CCDC200: variants seen among roughly 807,000 people sequenced by gnomAD.
CCDC200 encodes coiled-coil domain-containing protein 200.
intron 1 of CCDC200, among the ~76,000 whole-genome samples, chr17:43,225,474 C>T (rs1457674176): frequency 1.3e-5 from 2 of 149,510 alleles, no homozygotes; most frequent in African/African-American, 4.9e-5. Flanking sequence ...ACCAGCCTGA[C>T]CAACATGGTG....
At chr17:43,230,540 G>C (rs1182666448), upstream of CCDC200, among the ~76,000 whole-genome samples, 1 of 70,150 alleles carries the variant, frequency 1.4e-5, no homozygotes, top group African/African-American at 3.6e-5. Flanking sequence ...GCTGGGCGTG[G>C]TGGCAAACAC....
At position 43,227,274 on chromosome 17, in the gene CCDC200, C is replaced by T. The variant is rs542002320; in HGVS notation, c.105+1176G>A. On this transcript the variant is annotated intron_variant, in intron 1 of 3. Transcript: ENST00000636331. ...GATTACAGGTGTGAGCCACTGTGCC[C>T]GGCTGGGAGCAAGACTGGAGCAAGA... is the stretch of plus-strand genomic sequence containing the variant. Among the ~76,000 whole-genome samples, 7 of 151,346 alleles carry T rather than the reference C, an allele frequency of 4.6e-5. No homozygotes were observed. In the South Asian group the frequency reaches 1.0e-3, roughly 23 times the overall value.
intron 2 of CCDC200, chr17:43,223,946 T>A (rs2057550803): frequency 6.6e-6 from 1 of 152,208 alleles, no homozygotes; most frequent in South Asian, 2.1e-4. Flanking sequence ...CTGCAGAAGT[T>A]GGAAGGCTCC....
intron 3 of CCDC200, among the ~76,000 whole-genome samples, chr17:43,222,392 C>T (rs2057538933): frequency 6.6e-6 from 1 of 152,040 alleles, no homozygotes; most frequent in South Asian, 2.1e-4. Context: ...TTCTCAAATT[C>T]CTGAGCTCAG....
chr17:43,225,806 T>A (rs1459967648), intron 1 of CCDC200, among the ~76,000 whole-genome samples: 1 of 143,202 alleles, frequency 7.0e-6, no homozygotes, highest in Non-Finnish European at 1.5e-5. Context: ...TGATCTTGGC[T>A]CATTGCAACC....
In CCDC200 at chr17:43,226,221, GT is replaced by G. The variant is rs571873528; in HGVS notation, c.106-1673del. On this transcript the variant is annotated intron_variant, in intron 1 of 3. Transcript: ENST00000636331. ...CTAGGCATGGTGGTGCATGCCTGTA[GT>G]CCCAGCTACTCAGGAGGCTGAGGCT... 1.1e-4 allele frequency: 17 copies of G among 152,130 alleles called. No homozygotes were observed. The South Asian group carries it at 3.1e-3, about 28-fold the overall frequency. The allele number at this position is 152,130 out of a possible 1,614,324, so 9.4% of individuals were successfully genotyped here.
intron 1 of CCDC200, among the ~76,000 whole-genome samples, chr17:43,226,992 T>G (rs182450526): frequency 3.3e-5 from 5 of 152,106 alleles, no homozygotes; most frequent in Admixed American, 6.6e-5. Flanking sequence ...TGTTGTTGTT[T>G]TTTAAGATGG....
intron 1 of CCDC200, among the ~76,000 whole-genome samples, chr17:43,225,965 C>G (rs989347022): frequency 6.6e-6 from 1 of 151,594 alleles, no homozygotes. Flanking sequence ...AACTCCTGAC[C>G]TTGTGATCCA....
At position 43,227,103 on chromosome 17, in the gene CCDC200, C is replaced by T. The variant is rs986594765; in HGVS notation, c.105+1347G>A. Among the ~76,000 whole-genome samples the T allele has an allele frequency of 6.6e-5, 10 of 151,998 alleles. 1 individual carries two copies. Among genetic ancestry groups the T allele is most frequent in the South Asian group, 4.1e-4 (2 of 4,822 alleles). Reference sequence around the variant, plus strand: ...AGGCGATTCCCCTACCTCAGCCTCCCGAGTAGCTGGGATTACAGGTGCGCG... The same window carrying T: ...AGGCGATTCCCCTACCTCAGCCTCCTGAGTAGCTGGGATTACAGGTGCGCG... On this transcript the variant is annotated intron_variant, in intron 1 of 3. Transcript: ENST00000636331.
Position 43,224,566 on chromosome 17 carries a change from G to A in CCDC200, c.106-17C>T, listed in dbSNP as rs1186738745. Reference sequence around the variant, plus strand: ...CTTCAGTTCCTGGCAAGAAGCCCCCGGGCAAGTGGCATCATCCTCTCCCCA... The same window carrying A: ...CTTCAGTTCCTGGCAAGAAGCCCCCAGGCAAGTGGCATCATCCTCTCCCCA... On this transcript the variant is annotated splice_polypyrimidine_tract_variant and intron_variant, in intron 1 of 3. Coordinates refer to ENST00000636331, the MANE Select transcript of CCDC200 (RefSeq NM_001363254.2). 3.3e-5 allele frequency: 5 copies of A among 152,726 alleles called. No homozygotes were observed. Among genetic ancestry groups the A allele is most frequent in the Admixed American group, 2.0e-4 (3 of 15,272 alleles). 9.5% of individuals were successfully genotyped at this position (152,726 alleles called of 1,614,324 possible).
intron 1 of CCDC200, among the ~76,000 whole-genome samples, chr17:43,227,306 C>T (rs1323758827): frequency 6.7e-6 from 1 of 150,344 alleles, no homozygotes; most frequent in Non-Finnish European, 1.5e-5. Context: ...AAGACTCCAT[C>T]TCAAAAAAAA....
At chr17:43,222,614 A>C (rs1170174165) in intron 3 of CCDC200, among the ~76,000 whole-genome samples, 2 of 124,404 alleles carry the variant, frequency 1.6e-5, no homozygotes, top group African/African-American at 6.1e-5. Flanking sequence ...TCTTTCAGGG[A>C]GGGTCTCACT....
chr17:43,225,621 C>CCA (rs952474676), intron 1 of CCDC200, among the ~76,000 whole-genome samples: 1 of 110,188 alleles, frequency 9.1e-6, no homozygotes, highest in African/African-American at 3.0e-5. Context: ...CAGGATCATG[C>CCA]CACTGCACTC....
intron 3 of CCDC200, among the ~76,000 whole-genome samples, chr17:43,222,232 CCTGG>C (rs1248961602): frequency 6.6e-6 from 1 of 152,090 alleles, no homozygotes; most frequent in Non-Finnish European, 1.5e-5. Flanking sequence ...GTGGTGTCAT[CCTGG>C]CTCACTGCAA....
chr17:43,225,693 T>TATATATATATATATATATATAAAA lies in CCDC200; in HGVS notation c.106-1145_106-1144insTTTTATATATATATATATATATAT, dbSNP rs1282739067. 6.2e-4 allele frequency among the ~76,000 whole-genome samples: 18 copies of TATATATATATATATATATATAAAA among 28,976 alleles called. 5 individuals carry two copies. Among genetic ancestry groups the TATATATATATATATATATATAAAA allele is most frequent in the East Asian group, 6.1e-3 (5 of 814 alleles). 19.0% of individuals were successfully genotyped at this position (28,976 alleles called of 152,430 possible). On this transcript the variant is annotated intron_variant, in intron 1 of 3. Coordinates refer to ENST00000636331, the MANE Select transcript of CCDC200 (RefSeq NM_001363254.2). ...AAAAAAAAAAAAGTATATATATATA[T>TATATATATATATATATATATAAAA]TGCATGCTACATGTGTAATTTTAAA...
At chr17:43,222,563 G>A (rs2057539964) in intron 3 of CCDC200, among the ~76,000 whole-genome samples, 1 of 150,714 alleles carries the variant, frequency 6.6e-6, no homozygotes, top group Admixed American at 6.6e-5. Flanking sequence ...CTGAGCAATA[G>A]GCCATCCATA....
chr17:43,227,286 A>G (rs1451441224), intron 1 of CCDC200, among the ~76,000 whole-genome samples: 2 of 151,646 alleles, frequency 1.3e-5, no homozygotes, highest in Non-Finnish European at 2.9e-5. Flanking sequence ...GCTGGGAGCA[A>G]GACTGGAGCA....
At chr17:43,222,178 C>G (rs2057538039) in intron 3 of CCDC200, among the ~76,000 whole-genome samples, 1 of 151,244 alleles carries the variant, frequency 6.6e-6, no homozygotes, top group East Asian at 1.9e-4. Flanking sequence ...TTTCCTCTGT[C>G]TGTCTGTCTG....
intron 1 of CCDC200, among the ~76,000 whole-genome samples, chr17:43,225,678 A>G (rs1312534749): frequency 2.8e-5 from 1 of 36,100 alleles, no homozygotes; most frequent in South Asian, 2.9e-3. Flanking sequence ...AAAAAAAAAA[A>G]AGTATATATA....
Sources: gnomAD v4.1 joint callset for allele counts (sites outside exome capture counted in the v4.1 genomes callset) on GRCh38, gnomAD v4.1.1 for gene constraint, MANE v1.5 for transcripts, NCBI Gene and HGNC (gene_info 2026-07-23, HGNC 2026-07-21) for gene names.